Variants in AUTS2 observed in about 807,000 individuals in gnomAD.
AUTS2 encodes autism susceptibility gene 2 protein.
A neutral mutation model predicts 112.4 loss-of-function variants in AUTS2; 17 were observed. That is an observed-to-expected ratio of 0.15 (90% CI 0.10 to 0.23). AUTS2 has a LOEUF of 0.23. Ranked by LOEUF, AUTS2 falls within the 10% of genes least tolerant of loss-of-function variation. The probability of loss-of-function intolerance (pLI) is 1.00; values close to 1 mark genes in which losing one functional copy is unlikely to be tolerated. For synonymous variants in AUTS2, 751 were observed against 702.7 expected, an observed-to-expected ratio of 1.07 and a Z score of -1.09; for missense variants, 1,510 against 1,701.6, an observed-to-expected ratio of 0.89 and a Z score of 1.98.
intron 5 of AUTS2, among the ~76,000 whole-genome samples, chr7:70,607,066 A>G (rs962693210): frequency 9.9e-5 from 15 of 152,016 alleles, no homozygotes; most frequent in African/African-American, 3.6e-4. Flanking sequence ...ATTCGGAGTG[A>G]TTTGGAGTGT....
intron 10 of AUTS2, among the ~76,000 whole-genome samples, chr7:70,768,877 CTTTT>C (rs66614263): frequency 1.8e-5 from 2 of 108,212 alleles, no homozygotes; most frequent in African/African-American, 3.5e-5. Context: ...CCAGTGATTT[CTTTT>C]TTTTTTTTTT....
intron 4 of AUTS2, among the ~76,000 whole-genome samples, chr7:70,384,022 A>G (rs1793496463): frequency 6.6e-6 from 1 of 152,230 alleles, no homozygotes; most frequent in African/African-American, 2.4e-5. Flanking sequence ...ATGCTAGTCC[A>G]TTAGGGAAAA....
In AUTS2 at chr7:70,631,465, G is replaced by A. The variant is rs1805254534; in HGVS notation, c.691-67104G>A. Among the ~76,000 whole-genome samples, 1 of 152,174 alleles carries A rather than the reference G, an allele frequency of 6.6e-6. No homozygotes were observed. ...GCGTCCAATGGGCCGTTCAGGTTAGGGAGTTCCGAGACTCTCCATGATTTC... is the reference window on the plus strand; with the variant it reads ...GCGTCCAATGGGCCGTTCAGGTTAGAGAGTTCCGAGACTCTCCATGATTTC... On this transcript the variant is annotated intron_variant, in intron 5 of 18. Transcript: ENST00000342771. The surrounding 1 kb of genome is among the most constrained non-coding windows in gnomAD (Gnocchi z 4.5).
rs551703765 is a variant in AUTS2 at position 70,593,206 on chromosome 7, A to G, written c.691-105363A>G. Among the ~76,000 whole-genome samples, 188 of 152,318 alleles carry G rather than the reference A, an allele frequency of 1.2e-3. 3 individuals carry two copies. Among genetic ancestry groups the G allele is most frequent in the South Asian group, 7.1e-3 (34 of 4,820 alleles). On this transcript the variant is annotated intron_variant, in intron 5 of 18. Coordinates refer to ENST00000342771, the MANE Select transcript of AUTS2 (RefSeq NM_015570.4). ...AATTCCACTTTCTCATCTACAAAAT[A>G]GAGACAATAATAGTACCTACCTCAT...
intron 2 of AUTS2, among the ~76,000 whole-genome samples, chr7:70,046,966 T>C (rs774317597): frequency 1.8e-4 from 28 of 152,222 alleles, no homozygotes; most frequent in Admixed American, 6.5e-5. Context: ...CTAGATAACC[T>C]GAGAACCAGT....
At chr7:69,735,757 C>G (rs950185591) in intron 1 of AUTS2, among the ~76,000 whole-genome samples, 2 of 152,200 alleles carry the variant, frequency 1.3e-5, no homozygotes, top group African/African-American at 4.8e-5. Flanking sequence ...CTTGTGAGCT[C>G]CGTAAGGGCT....
chr7:70,625,184 T>C (rs926923327), intron 5 of AUTS2, among the ~76,000 whole-genome samples: 1 of 152,196 alleles, frequency 6.6e-6, no homozygotes, highest in African/African-American at 2.4e-5. Flanking sequence ...TCTCTTGTAG[T>C]ACATTTTATC....
intron 2 of AUTS2, among the ~76,000 whole-genome samples, chr7:70,049,210 T>C (rs1447917129): frequency 4.6e-5 from 7 of 152,218 alleles, no homozygotes; most frequent in African/African-American, 1.7e-4. Context: ...AAATTTTTAA[T>C]TTATATAGTC....
chr7:69,649,248 C>CA (rs964605336), intron 1 of AUTS2, among the ~76,000 whole-genome samples: 10 of 152,138 alleles, frequency 6.6e-5, no homozygotes, highest in Admixed American at 6.5e-5. Context: ...CAAAACAAAA[C>CA]AAAAACGGAG....
chr7:70,787,822 T>C (rs1563200788), intron 18 of AUTS2, among the ~76,000 whole-genome samples: 1 of 152,248 alleles, frequency 6.6e-6, no homozygotes, highest in African/African-American at 2.4e-5. Context: ...CATAGGTTTT[T>C]CTCGCTCTTT....
At chr7:70,486,899 C>CT (rs917184277) in intron 5 of AUTS2, among the ~76,000 whole-genome samples, 1 of 106,868 alleles carries the variant, frequency 9.4e-6, no homozygotes, top group Non-Finnish European at 1.9e-5. Flanking sequence ...TTTTGTATTC[C>CT]CCCCCCCCCA....
intron 6 of AUTS2, among the ~76,000 whole-genome samples, chr7:70,704,624 G>A (rs780078814): frequency 1.3e-5 from 2 of 152,216 alleles, no homozygotes; most frequent in Non-Finnish European, 2.9e-5. Context: ...ATGCATTCAT[G>A]ATAGACAATT....
chr7:70,567,030 T>G (rs1443624638), intron 5 of AUTS2, among the ~76,000 whole-genome samples: 1 of 152,208 alleles, frequency 6.6e-6, no homozygotes, highest in Non-Finnish European at 1.5e-5. Flanking sequence ...CCTTGTAGAT[T>G]TCTCCAAATC....
chr7:70,603,317 A>G (rs373128456), intron 5 of AUTS2, among the ~76,000 whole-genome samples: 24 of 152,136 alleles, frequency 1.6e-4, no homozygotes, highest in African/African-American at 5.3e-4. Flanking sequence ...GTCTTCACCC[A>G]CACTCCTCCC....
intron 5 of AUTS2, among the ~76,000 whole-genome samples, chr7:70,618,911 C>T (rs1804523161): frequency 6.6e-6 from 1 of 152,216 alleles, no homozygotes; most frequent in Non-Finnish European, 1.5e-5. Context: ...TCCTCTTCTC[C>T]ACTGGGAGAG....
intron 1 of AUTS2, among the ~76,000 whole-genome samples, chr7:69,754,259 C>T (rs954883365): frequency 6.6e-6 from 1 of 152,158 alleles, no homozygotes; most frequent in Non-Finnish European, 1.5e-5. Flanking sequence ...ACATATGTTA[C>T]ATACAGAGGC....
intron 5 of AUTS2, among the ~76,000 whole-genome samples, chr7:70,628,050 G>A (rs889609597): frequency 2.6e-5 from 4 of 152,174 alleles, no homozygotes; most frequent in South Asian, 4.1e-4. Flanking sequence ...GTGCACGAAG[G>A]TGGCTCATTG....
intron 1 of AUTS2, among the ~76,000 whole-genome samples, chr7:69,606,805 C>T (rs1033975905): frequency 2.0e-5 from 3 of 152,148 alleles, no homozygotes; most frequent in Non-Finnish European, 4.4e-5. Flanking sequence ...TGAGCTGGGG[C>T]AGAACTGTTT....
At chr7:69,758,238 A>G (rs900245808) in intron 1 of AUTS2, among the ~76,000 whole-genome samples, 1 of 152,278 alleles carries the variant, frequency 6.6e-6, no homozygotes, top group South Asian at 2.1e-4. Context: ...TGTTTTAAGG[A>G]TTCTGAAGCA....
Sources: gnomAD v4.1 joint callset for allele counts (sites outside exome capture counted in the v4.1 genomes callset) on GRCh38, gnomAD v4.1.1 for gene constraint, Gnocchi (gnomAD v3.1) non-coding constraint, MANE v1.5 for transcripts, NCBI Gene and HGNC (gene_info 2026-07-23, HGNC 2026-07-21) for gene names.